Variants in GASK1B observed in about 807,000 individuals in gnomAD.
GASK1B encodes Golgi-associated kinase 1B.
A neutral mutation model predicts 42.8 loss-of-function variants in GASK1B; 34 were observed. The observed-to-expected ratio is 0.79, with a 90% confidence interval of 0.60 to 1.06. The LOEUF (loss-of-function observed/expected upper bound fraction) is 1.06. Ranked by LOEUF, GASK1B falls within the 50% of genes least tolerant of loss-of-function variation. The probability of loss-of-function intolerance (pLI) is 0.00; values close to 1 mark genes in which losing one functional copy is unlikely to be tolerated. For missense variants in GASK1B, 686 were observed against 661.0 expected, an observed-to-expected ratio of 1.04 and a Z score of -0.42; for synonymous variants, 262 against 259.1, an observed-to-expected ratio of 1.01 and a Z score of -0.11.
intron 3 of GASK1B, among the ~76,000 whole-genome samples, chr4:158,151,767 A>C (rs1291753022): frequency 6.6e-6 from 1 of 152,210 alleles, no homozygotes; most frequent in Non-Finnish European, 1.5e-5. Context: ...AACTCTGAAC[A>C]GACCAATAAC....
chr4:158,161,936 G>A (rs912727982), intron 2 of GASK1B, among the ~76,000 whole-genome samples: 9 of 152,108 alleles, frequency 5.9e-5, no homozygotes, highest in African/African-American at 2.2e-4. Flanking sequence ...CAGGCTCCTT[G>A]CAGGACATAA....
In GASK1B at chr4:158,171,288, G is replaced by A. The variant is rs1456021821; in HGVS notation, c.88C>T (p.Arg30Trp). Residue 30 changes from arginine to tryptophan, a missense_variant, in exon 2 of 5, where the codon CGG (arginine) becomes TGG (tryptophan). Physicochemically the swap from Arg to Trp is moderately radical, Grantham distance 101 (BLOSUM62 -3). Coordinates refer to ENST00000585682, the MANE Select transcript of GASK1B (RefSeq NM_001128424.2). The stretch of plus-strand genomic sequence containing the variant: ...AGGTTTCTCCGGGTCCTTGGACGCC[G>A]GCTGCTCCAGAGCTTACGCACCCGC... Reference protein sequence around the residue: ...VPRVRKLWSSRRPRTRRNLLL... With the variant: ...VPRVRKLWSSWRPRTRRNLLL... 3 of 1,613,642 alleles carry A rather than the reference G, an allele frequency of 1.9e-6. No homozygotes were observed. Among genetic ancestry groups the A allele is most frequent in the Admixed American group, 1.7e-5 (1 of 60,008 alleles).
At chr4:158,155,258 T>C (rs2110991089) in intron 3 of GASK1B, among the ~76,000 whole-genome samples, 1 of 152,278 alleles carries the variant, frequency 6.6e-6, no homozygotes, top group Non-Finnish European at 1.5e-5. Context: ...TGTATTTCTT[T>C]GATATATTTT....
chr4:158,128,730 C>T (rs1042843263), intron 4 of GASK1B, among the ~76,000 whole-genome samples: 6 of 152,186 alleles, frequency 3.9e-5, no homozygotes, highest in Admixed American at 1.3e-4. Flanking sequence ...AGTTCTGATG[C>T]TGCAGAAAGA....
chr4:158,133,364 T>G (rs1029739428), intron 3 of GASK1B, among the ~76,000 whole-genome samples: 1 of 152,208 alleles, frequency 6.6e-6, no homozygotes, highest in African/African-American at 2.4e-5. Context: ...ATATGTGTTT[T>G]GAATATAACC....
chr4:158,145,692 C>T (rs989467450), intron 3 of GASK1B, among the ~76,000 whole-genome samples: 12 of 152,256 alleles, frequency 7.9e-5, no homozygotes, highest in African/African-American at 2.4e-4. Context: ...CTGTGATTAT[C>T]TGTCCCTTGT....
At chr4:158,149,518 T>C (rs1226478837) in intron 3 of GASK1B, among the ~76,000 whole-genome samples, 2 of 152,222 alleles carry the variant, frequency 1.3e-5, no homozygotes, top group South Asian at 2.1e-4. Flanking sequence ...TTAGCTCTTA[T>C]GTTTATCAGC....
chr4:158,157,276 G>GTCTA (rs1731792632), intron 2 of GASK1B, among the ~76,000 whole-genome samples: 1 of 152,068 alleles, frequency 6.6e-6, no homozygotes, highest in South Asian at 2.1e-4. Flanking sequence ...TAAGAGAAGA[G>GTCTA]TAGAGAAAGA....
chr4:158,135,548 G>A (rs1042566812), intron 3 of GASK1B, among the ~76,000 whole-genome samples: 11 of 151,736 alleles, frequency 7.2e-5, no homozygotes, highest in African/African-American at 2.4e-4. Context: ...AGGAAACTGA[G>A]GCAGAAAAGG....
chr4:158,161,811 G>A (rs1369167824), intron 2 of GASK1B, among the ~76,000 whole-genome samples: 1 of 152,130 alleles, frequency 6.6e-6, no homozygotes, highest in Non-Finnish European at 1.5e-5. Context: ...CCAGTTAAAG[G>A]AGCCACGAAT....
rs138046745 is a variant in GASK1B, at chr4:158,146,864, G to A, written c.1125+8747C>T. On this transcript the variant is annotated intron_variant, in intron 3 of 4. Transcript: ENST00000585682. Reference sequence around the variant, plus strand: ...GTCATCCTAATGGAGGTGAATTTTTGTCTAGGCAGTTTATACCCCCACGTT... The same window carrying A: ...GTCATCCTAATGGAGGTGAATTTTTATCTAGGCAGTTTATACCCCCACGTT... 1.8e-4 allele frequency among the ~76,000 whole-genome samples: 28 copies of A among 152,274 alleles called. No homozygotes were observed. The East Asian group carries it at 5.0e-3, about 27-fold the overall frequency.
chr4:158,151,235 T>C (rs1299457760), intron 3 of GASK1B, among the ~76,000 whole-genome samples: 1 of 152,228 alleles, frequency 6.6e-6, no homozygotes, highest in Admixed American at 6.5e-5. Context: ...CACAATTATG[T>C]AGATGATCAA....
At chr4:158,136,348 C>G (rs563984925) in intron 3 of GASK1B, among the ~76,000 whole-genome samples, 23 of 152,000 alleles carry the variant, frequency 1.5e-4, no homozygotes, top group African/African-American at 5.5e-4. Flanking sequence ...ATAGCAGGAC[C>G]CCCAGAAAAT....
At chr4:158,128,579 A>C (rs2110920846) in intron 4 of GASK1B, among the ~76,000 whole-genome samples, 1 of 152,370 alleles carries the variant, frequency 6.6e-6, no homozygotes, top group East Asian at 1.9e-4. Context: ...CTCAAAAACT[A>C]TAGTAAGAAC....
chr4:158,127,329 G>A lies in GASK1B; in HGVS notation c.*78C>T. 1 of 1,214,184 alleles carries A rather than the reference G, an allele frequency of 8.2e-7. No individual in the cohort carries two copies. The highest frequency in any genetic ancestry group is 1.2e-6 in the Non-Finnish European group (1 of 845,342). The allele number at this position is 1,214,184 out of a possible 1,614,324, so 75.2% of individuals were successfully genotyped here. A position where few individuals can be genotyped will look rare whatever the true frequency, so the allele number is the denominator to read the frequency against. On this transcript the variant is annotated 3_prime_UTR_variant, in exon 5 of 5. Coordinates refer to ENST00000585682, the MANE Select transcript of GASK1B (RefSeq NM_001128424.2). Reference sequence around the variant, plus strand: ...CACTGCCTCATTGCTAAACGGGCTTGAGGTTGATGTGCTTGATTTAAAAAC... The same window carrying A: ...CACTGCCTCATTGCTAAACGGGCTTAAGGTTGATGTGCTTGATTTAAAAAC...
chr4:158,168,052 A>G (rs998651095), intron 2 of GASK1B, among the ~76,000 whole-genome samples: 2 of 152,214 alleles, frequency 1.3e-5, no homozygotes, highest in African/African-American at 4.8e-5. Flanking sequence ...TAGAGTATTC[A>G]TAACTATATG....
chr4:158,131,072 C>A, intron 3 of GASK1B, 60 bp from the exon 4 acceptor site: 1 of 1,419,932 alleles, frequency 7.0e-7, no homozygotes, highest in South Asian at 1.2e-5. Flanking sequence ...GGGAAAGTTA[C>A]AAGATTTTCA....
At chr4:158,140,676 C>T (rs1003891422) in intron 3 of GASK1B, among the ~76,000 whole-genome samples, 1 of 152,192 alleles carries the variant, frequency 6.6e-6, no homozygotes, top group African/African-American at 2.4e-5. Context: ...TTCAATGGCA[C>T]AGGCTTAGTG....
chr4:158,132,163 C>T (rs1245166231), intron 3 of GASK1B, among the ~76,000 whole-genome samples: 1 of 147,446 alleles, frequency 6.8e-6, no homozygotes, highest in Non-Finnish European at 1.5e-5. Flanking sequence ...ATTTGTTTGT[C>T]TCCAAAATTC....
Sources: gnomAD v4.1 joint callset for allele counts (sites outside exome capture counted in the v4.1 genomes callset) on GRCh38, gnomAD v4.1.1 for gene constraint, MANE v1.5 for transcripts, NCBI Gene and HGNC (gene_info 2026-07-23, HGNC 2026-07-21) for gene names.